Variants in YJEFN3 observed in about 807,000 individuals in gnomAD.
YJEFN3 encodes yjeF N-terminal domain-containing protein 3.
A neutral mutation model predicts 31.5 loss-of-function variants in YJEFN3; 29 were observed. The observed-to-expected ratio is 0.92, with a 90% CI of 0.69 to 1.26. The LOEUF (loss-of-function observed/expected upper bound fraction) is 1.26, where lower values mean the gene tolerates loss of function less well. YJEFN3 is among the 50% of genes most tolerant of loss of function. The probability of loss-of-function intolerance (pLI) is 0.00; values close to 1 mark genes in which losing one functional copy is unlikely to be tolerated. For missense variants in YJEFN3, 442 were observed against 425.4 expected (o/e 1.04, Z -0.34); for synonymous variants, 227 against 196.1 (o/e 1.16, Z -1.32).
chr19:19,532,485 C>A (rs1040930864), intron 2 of YJEFN3, 147 bp from the exon 3 acceptor site: 2 of 503,454 alleles, frequency 4.0e-6, no homozygotes, highest in Admixed American at 8.3e-5. Context: ...AGGGCATCCC[C>A]AGCTCAAGGC....
chr19:19,528,928 C>T lies in YJEFN3; in HGVS notation c.-5C>T. 1.9e-6 allele frequency: 3 copies of T among 1,548,100 alleles called. No individual in the cohort carries two copies. The highest frequency in any genetic ancestry group is 2.6e-6 in the Non-Finnish European group (3 of 1,146,030). On this transcript the variant is annotated 5_prime_UTR_variant, in exon 1 of 7. Coordinates refer to ENST00000514277, the MANE Select transcript of YJEFN3 (RefSeq NM_198537.4). ...CAGCGCCCGGCGCCCGGGCTCACCT[C>T]GGCCATGAGCAGCGCAGCCGGCCCA...
Position 19,537,493 on chromosome 19 carries a change from A to T in YJEFN3, c.869A>T (p.Tyr290Phe), listed in dbSNP as rs2061223102. Residue 290 changes from tyrosine (Y) to phenylalanine (F), a missense_variant, in exon 7 of 7, where the codon TAC (tyrosine) becomes TTC (phenylalanine). By Grantham distance (22) the Tyr-to-Phe change is conservative (BLOSUM62 3). Coordinates refer to ENST00000514277, the MANE Select transcript of YJEFN3 (RefSeq NM_198537.4). ...RRKFALRLPG[Y>F]TGTDCVAAL ...AAGTTCGCTCTGCGCCTGCCGGGAT[A>T]CACGGGCACCGACTGCGTCGCGGCA... The T allele has an allele frequency of 4.4e-6, 7 of 1,573,812 alleles. No homozygotes were observed. Among genetic ancestry groups the T allele is most frequent in the Non-Finnish European group, 6.0e-6 (7 of 1,162,748 alleles).
chr19:19,532,756 C>T lies in YJEFN3; in HGVS notation c.318+16C>T, dbSNP rs1392517201. On this transcript the variant is annotated intron_variant, in intron 3 of 6. Transcript: ENST00000514277. ...TGTGACCAAGGTACCTGACCCCTGA[C>T]CCCCAACCCTGACCCCAACCAGACG... The T allele has an allele frequency of 3.3e-6, 5 of 1,533,480 alleles. No homozygotes were observed. Among genetic ancestry groups the T allele is most frequent in the Admixed American group, 1.9e-5 (1 of 51,696 alleles). 95.0% of individuals were successfully genotyped at this position (1,533,480 alleles called of 1,614,324 possible).
intron 2 of YJEFN3, among the ~76,000 whole-genome samples, chr19:19,531,718 CTTTTTTTTTTTTTT>C (rs56747140): frequency 3.4e-4 from 26 of 75,864 alleles, no homozygotes; most frequent in East Asian, 2.1e-3. Flanking sequence ...AACAAATAAC[CTTTTTTTTTTTTTT>C]TTTTTTTTTT....
In YJEFN3 at chr19:19,534,772, C is replaced by T; in HGVS notation, c.319-262C>T. 2.8e-6 allele frequency: 1 copy of T among 359,860 alleles called. No homozygotes were observed. Among genetic ancestry groups the T allele is most frequent in the Non-Finnish European group, 5.0e-6 (1 of 200,176 alleles). The allele number at this position is 359,860 out of a possible 1,614,324, so 22.3% of individuals were successfully genotyped here. On this transcript the variant is annotated intron_variant, in intron 3 of 6. Transcript: ENST00000514277. The surrounding 1 kb of genome is among the most constrained non-coding windows in gnomAD (Gnocchi z 4.6). ...TCAGGCGGAGAATAAACAAACCGCA[C>T]TCCGGGCGACGGGCAGTGGCTGGAT...
intron 3 of YJEFN3, chr19:19,533,816 G>C: frequency 1.0e-6 from 1 of 985,420 alleles, no homozygotes; most frequent in South Asian, 4.7e-5. Context: ...CTCGCCTGGC[G>C]CTCAGTGGCC....
At chr19:19,531,019 T>C (rs927466256) in intron 2 of YJEFN3, among the ~76,000 whole-genome samples, 5 of 152,190 alleles carry the variant, frequency 3.3e-5, no homozygotes, top group Non-Finnish European at 7.3e-5. Flanking sequence ...CCCAGGGCCT[T>C]GGCTTTTGCT....
rs149627679 is a variant in YJEFN3 at position 19,532,744 on chromosome 19, C to T, written c.318+4C>T. 1.4e-5 allele frequency: 21 copies of T among 1,547,490 alleles called. No individual in the cohort carries two copies. In the African/African-American group the frequency reaches 2.7e-4, roughly 20 times the overall value. On this transcript the variant is annotated splice_donor_region_variant and intron_variant, in intron 3 of 6. Transcript: ENST00000514277. ...TAGTGCCGTGGCTGTGACCAAGGTA[C>T]CTGACCCCTGACCCCCAACCCTGAC...
Position 19,536,131 on chromosome 19 carries a change from C to G in YJEFN3, c.694+452C>G, listed in dbSNP as rs577589838. The G allele has an allele frequency of 1.7e-4, 67 of 387,592 alleles. No individual in the cohort carries two copies. The South Asian group carries it at 2.2e-3, about 13-fold the overall frequency. 24.0% of individuals were successfully genotyped at this position (387,592 alleles called of 1,614,324 possible). ...CCCAGGGACATCCCAGCAGGTGCCA[C>G]AGAGCAGGGGCACCAAGGGAGGCGG... On this transcript the variant is annotated intron_variant, in intron 6 of 6. Transcript: ENST00000514277.
At position 19,534,012 on chromosome 19, in the gene YJEFN3, G is replaced by C. The variant is rs1227428458; in HGVS notation, c.319-1022G>C. On this transcript the variant is annotated intron_variant, in intron 3 of 6. Coordinates refer to ENST00000514277, the MANE Select transcript of YJEFN3 (RefSeq NM_198537.4). This position sits in a 1 kb window ranked among gnomAD's most constrained non-coding sequence, Gnocchi z 4.6. ...GTAATCTGCTGTCTGTGTGGTTGGA[G>C]CTTAAAGTACAGCTGGGGCTCAAGA... 1.0e-6 allele frequency: 1 copy of C among 985,526 alleles called. No homozygotes were observed. Among genetic ancestry groups the C allele is most frequent in the Non-Finnish European group, 1.2e-6 (1 of 830,090 alleles). 61.0% of individuals were successfully genotyped at this position (985,526 alleles called of 1,614,324 possible). A position where few individuals can be genotyped will look rare whatever the true frequency, so the allele number is the denominator to read the frequency against.
chr19:19,535,880 C>T, intron 6 of YJEFN3: 1 of 716,704 alleles, frequency 1.4e-6, no homozygotes, highest in Non-Finnish European at 2.4e-6. Context: ...CCCAGGTCTC[C>T]TCTTTCCTCC....
At position 19,537,490 on chromosome 19, in the gene YJEFN3, G is replaced by T; in HGVS notation, c.866G>T (p.Gly289Val). 6.3e-7 allele frequency: 1 copy of T among 1,579,010 alleles called. No homozygotes were observed. The highest frequency in any genetic ancestry group is 8.6e-7 in the Non-Finnish European group (1 of 1,166,978). The change falls in exon 7 of 7, where the codon GGA becomes GTA. Residue 289 changes from glycine to valine, a missense_variant. Physicochemically the swap from Gly to Val is moderately radical, Grantham distance 109. Coordinates refer to ENST00000514277, the MANE Select transcript of YJEFN3 (RefSeq NM_198537.4). The part of the protein sequence containing the change: ...VRRKFALRLP[G>V]YTGTDCVAAL ...CGCAAGTTCGCTCTGCGCCTGCCGGGATACACGGGCACCGACTGCGTCGCG... is the reference window on the plus strand; with the variant it reads ...CGCAAGTTCGCTCTGCGCCTGCCGGTATACACGGGCACCGACTGCGTCGCG...
rs763637707 is a variant in YJEFN3 at position 19,535,561 on chromosome 19, G to A, written c.576G>A (p.Val192=). 2.5e-6 allele frequency: 4 copies of A among 1,591,218 alleles called. No homozygotes were observed. The highest frequency in any genetic ancestry group is 1.1e-5 in the South Asian group (1 of 88,102). The change falls in exon 6 of 7, where the codon GTG becomes GTA. Residue 192 remains valine, a synonymous_variant. Coordinates refer to ENST00000514277, the MANE Select transcript of YJEFN3 (RefSeq NM_198537.4). ...VQLINEAYGL[V]VDAVLGPGVE... is the part of the protein sequence containing the mutation. ...TCATTAACGAAGCCTATGGGCTGGT[G>A]GTGGATGCCGTACTGGGCCCCGGCG...
In YJEFN3 at chr19:19,532,688, G is replaced by C; in HGVS notation, c.266G>C (p.Arg89Pro). 1 of 1,577,102 alleles carries C rather than the reference G, an allele frequency of 6.3e-7. No individual in the cohort carries two copies. Among genetic ancestry groups the C allele is most frequent in the Non-Finnish European group, 8.6e-7 (1 of 1,167,538 alleles). The change falls in exon 3 of 7, where the codon CGG becomes CCG. Residue 89 changes from arginine to proline, a missense_variant. Physicochemically the swap from Arg to Pro is moderately radical, Grantham distance 103. Coordinates refer to ENST00000514277, the MANE Select transcript of YJEFN3 (RefSeq NM_198537.4). ...RELLEDYRFG[R>P]QQLVELCGHA... ...CTGCTGGAGGATTATCGCTTTGGGC[G>C]GCAGCAGCTCGTGGAGCTGTGCGGT...
intron 1 of YJEFN3, 26 bp from the exon 2 acceptor site, chr19:19,529,338 C>T (rs1257149727): frequency 1.3e-6 from 2 of 1,593,892 alleles, no homozygotes; most frequent in East Asian, 2.2e-5. Context: ...CAACCGTGGC[C>T]CACCCCCACT....
intron 2 of YJEFN3, among the ~76,000 whole-genome samples, chr19:19,530,760 T>C (rs964072036): frequency 6.6e-6 from 1 of 152,214 alleles, no homozygotes; most frequent in African/African-American, 2.4e-5. Flanking sequence ...CCTCACCCCG[T>C]CCTTCAACTT....
chr19:19,533,991 TCTG>T, intron 3 of YJEFN3: 1 of 985,560 alleles, frequency 1.0e-6, no homozygotes. Context: ...AGGGGAGTAA[TCTG>T]CTGTCTGTGT....
chr19:19,529,867 T>G (rs981317898), intron 2 of YJEFN3, among the ~76,000 whole-genome samples: 18 of 152,136 alleles, frequency 1.2e-4, no homozygotes, highest in Non-Finnish European at 2.1e-4. Flanking sequence ...AAGGGCCTCT[T>G]AGGCATGGTG....
intron 6 of YJEFN3, 27 bp downstream of exon 6, chr19:19,535,706 G>A: frequency 6.5e-7 from 1 of 1,543,098 alleles, no homozygotes; most frequent in Non-Finnish European, 8.7e-7. Context: ...GGGGCACATT[G>A]GGGCCTGGGG....
Sources: gnomAD v4.1 joint callset for allele counts (sites outside exome capture counted in the v4.1 genomes callset) on GRCh38, gnomAD v4.1.1 for gene constraint, Gnocchi (gnomAD v3.1) non-coding constraint, MANE v1.5 for transcripts, NCBI Gene and HGNC (gene_info 2026-07-23, HGNC 2026-07-21) for gene names.